NPSR1: variants seen among roughly 807,000 people sequenced by gnomAD.
NPSR1 encodes the protein neuropeptide S receptor.
A neutral mutation model predicts 46.9 loss-of-function variants in NPSR1; 48 were observed. The ratio of observed to expected loss-of-function variants is 1.02; its 90% CI spans 0.81 to 1.30. The LOEUF is 1.30. NPSR1 is among the 50% of genes most tolerant of loss of function. NPSR1 has a pLI of 0.00. For synonymous variants in NPSR1, 176 were observed against 168.1 expected (o/e 1.05, Z -0.36); for missense variants, 450 against 449.5 (o/e 1.00, Z -0.01).
At chr7:34,684,427 A>G (rs763237313) in intron 1 of NPSR1, 125 bp from the exon 2 acceptor site, 399 of 834,964 alleles carry the variant, frequency 4.8e-4, no homozygotes, top group Middle Eastern at 7.1e-4. Flanking sequence ...TGTTTTCTTG[A>G]GAGTAGAGCT....
intron 8 of NPSR1, among the ~76,000 whole-genome samples, chr7:34,872,483 C>T (rs1791481528): frequency 6.6e-6 from 1 of 151,974 alleles, no homozygotes; most frequent in South Asian, 2.1e-4. Context: ...CGTGCTTGAA[C>T]TTCTCTCCTG....
intron 7 of NPSR1, among the ~76,000 whole-genome samples, chr7:34,847,768 C>T (rs1020371652): frequency 6.6e-6 from 1 of 152,208 alleles, no homozygotes; most frequent in African/African-American, 2.4e-5. Flanking sequence ...CCTCCAGAAA[C>T]GTCTTCATAC....
chr7:34,816,125 T>A (rs929788363), intron 4 of NPSR1, among the ~76,000 whole-genome samples: 1 of 150,296 alleles, frequency 6.7e-6, no homozygotes, highest in South Asian at 2.1e-4. Flanking sequence ...CACTGGCAAA[T>A]TGGATAAAGA....
At chr7:34,863,715 G>T (rs1189167184) in intron 8 of NPSR1, among the ~76,000 whole-genome samples, 1 of 151,734 alleles carries the variant, frequency 6.6e-6, no homozygotes, top group African/African-American at 2.4e-5. Context: ...TCCTTAAAAA[G>T]CCAGGAAACA....
intron 3 of NPSR1, among the ~76,000 whole-genome samples, chr7:34,796,956 G>T (rs1425873521): frequency 6.6e-6 from 1 of 152,212 alleles, no homozygotes; most frequent in African/African-American, 2.4e-5. Flanking sequence ...GGAGAAATAA[G>T]CTGTGGTACA....
chr7:34,825,283 C>A (rs1789770756), intron 4 of NPSR1, among the ~76,000 whole-genome samples: 1 of 152,212 alleles, frequency 6.6e-6, no homozygotes, highest in African/African-American at 2.4e-5. Context: ...ATGGCCATGG[C>A]CCTCATCCAG....
At chr7:34,871,825 G>A (rs1325463606) in intron 8 of NPSR1, among the ~76,000 whole-genome samples, 1 of 151,966 alleles carries the variant, frequency 6.6e-6, no homozygotes, top group Non-Finnish European at 1.5e-5. Flanking sequence ...ACCCACCCCT[G>A]TGGCTTTGCA....
In NPSR1 at chr7:34,671,824, C is replaced by T. The variant is rs147168088; in HGVS notation, c.148-12728C>T. Among the ~76,000 whole-genome samples, 3 of 152,286 alleles carry T rather than the reference C, an allele frequency of 2.0e-5. No individual in the cohort carries two copies. In the East Asian group the frequency reaches 5.8e-4, roughly 29 times the overall value. ...CTGCCCATGCATGTGTTCGCTCCTCCTGGTTTCTTTTGGCTACTTGATTTT... is the reference window on the plus strand; with the variant it reads ...CTGCCCATGCATGTGTTCGCTCCTCTTGGTTTCTTTTGGCTACTTGATTTT... On this transcript the variant is annotated intron_variant, in intron 1 of 8. Coordinates refer to ENST00000360581, the MANE Select transcript of NPSR1 (RefSeq NM_207172.2).
At chr7:34,773,864 G>A (rs1786808537) in intron 2 of NPSR1, among the ~76,000 whole-genome samples, 1 of 152,116 alleles carries the variant, frequency 6.6e-6, no homozygotes, top group Non-Finnish European at 1.5e-5. Flanking sequence ...AGTGCTTCTT[G>A]TGTACTTGAT....
intron 2 of NPSR1, chr7:34,758,217 G>A (rs942662962): frequency 2.0e-5 from 3 of 152,490 alleles, no homozygotes; most frequent in African/African-American, 7.2e-5. Context: ...CACTTTGTAT[G>A]TGTTATCTGT....
chr7:34,797,819 A>G (rs1182781446), intron 3 of NPSR1, among the ~76,000 whole-genome samples: 1 of 152,152 alleles, frequency 6.6e-6, no homozygotes, highest in Admixed American at 6.5e-5. Flanking sequence ...CAATAATAAG[A>G]ATTTCCTCTG....
chr7:34,783,140 C>A (rs1787308423), intron 3 of NPSR1, among the ~76,000 whole-genome samples: 1 of 152,002 alleles, frequency 6.6e-6, no homozygotes. Flanking sequence ...ATTTATGAGG[C>A]AGCATCAAAA....
intron 3 of NPSR1, among the ~76,000 whole-genome samples, chr7:34,803,256 A>C (rs1788512380): frequency 6.6e-6 from 1 of 151,956 alleles, no homozygotes; most frequent in Non-Finnish European, 1.5e-5. Flanking sequence ...TGCTATAAAG[A>C]CACATGCACA....
At chr7:34,758,931 C>G (rs1350104383) in intron 2 of NPSR1, among the ~76,000 whole-genome samples, 1 of 152,158 alleles carries the variant, frequency 6.6e-6, no homozygotes, top group East Asian at 1.9e-4. Context: ...CTTATGACAT[C>G]AACATTTTTA....
At chr7:34,831,959 A>G (rs559234601) in intron 5 of NPSR1, among the ~76,000 whole-genome samples, 46 of 152,346 alleles carry the variant, frequency 3.0e-4, no homozygotes, top group African/African-American at 1.1e-3. Flanking sequence ...GGAAAGCCCC[A>G]TGCCAGGTTG....
At chr7:34,799,207 T>C (rs898910252) in intron 3 of NPSR1, among the ~76,000 whole-genome samples, 1 of 152,124 alleles carries the variant, frequency 6.6e-6, no homozygotes, top group African/African-American at 2.4e-5. Flanking sequence ...CCATTCCACA[T>C]GTATACATAA....
intron 2 of NPSR1, among the ~76,000 whole-genome samples, chr7:34,738,227 T>C (rs959628790): frequency 6.6e-6 from 1 of 152,234 alleles, no homozygotes; most frequent in African/African-American, 2.4e-5. Context: ...GGCAATACCT[T>C]CTTTCACTAT....
chr7:34,691,654 C>T (rs1344120955), intron 2 of NPSR1, among the ~76,000 whole-genome samples: 1 of 151,994 alleles, frequency 6.6e-6, no homozygotes, highest in East Asian at 1.9e-4. Context: ...GTTCAAACGA[C>T]AAGAAGATTG....
intron 2 of NPSR1, chr7:34,751,475 G>A: frequency 8.2e-7 from 1 of 1,218,288 alleles, no homozygotes; most frequent in South Asian, 1.2e-5. Context: ...CCGCGGATTA[G>A]TTCTGCCTCC....
Sources: gnomAD v4.1 joint callset for allele counts (sites outside exome capture counted in the v4.1 genomes callset) on GRCh38, gnomAD v4.1.1 for gene constraint, MANE v1.5 for transcripts, NCBI Gene and HGNC (gene_info 2026-07-23, HGNC 2026-07-21) for gene names.